ZNF71: variants seen among roughly 807,000 people sequenced by gnomAD.
ZNF71 encodes the protein zinc finger protein 71, also known as endothelial zinc finger protein induced by tumor necrosis factor alpha.
In ZNF71, 3 loss-of-function variants were observed where a neutral mutation model predicts 6.7. The observed-to-expected ratio is 0.45, with a 90% CI of 0.20 to 1.16. ZNF71 has a LOEUF of 1.16. Among genes scored for constraint, ZNF71 ranks in the 50% most tolerant of loss-of-function variants. ZNF71 has a pLI of 0.25. For missense variants in ZNF71, 688 were observed against 728.6 expected (o/e 0.94, Z 0.64); for synonymous variants, 343 against 311.1 (o/e 1.10, Z -1.08).
chr19:56,621,774 T>G lies in ZNF71; in HGVS notation c.667T>G (p.Cys223Gly), dbSNP rs767880766. 1.2e-6 allele frequency: 2 copies of G among 1,614,058 alleles called. No homozygotes were observed. Among genetic ancestry groups the G allele is most frequent in the Non-Finnish European group, 8.5e-7 (1 of 1,180,032 alleles). ...AGAAAAGCCGTTTGAGTGTGACACCTGTGGGAAGCACTTCATCGAGCGCTC... is the reference window on the plus strand; with the variant it reads ...AGAAAAGCCGTTTGAGTGTGACACCGGTGGGAAGCACTTCATCGAGCGCTC... ...TGEKPFECDTCGKHFIERSSL... is the reference protein window; with the variant it reads ...TGEKPFECDTGGKHFIERSSL... The change falls in exon 4 of 4, where the codon TGT becomes GGT. Residue 223 changes from cysteine to glycine, a missense_variant. Coordinates refer to ENST00000599599, the MANE Select transcript of ZNF71 (RefSeq NM_001370215.1).
At position 56,603,726 on chromosome 19, in the gene ZNF71, A is replaced by T. The variant is rs1391907930; in HGVS notation, c.33+2135A>T. On this transcript the variant is annotated intron_variant, in intron 2 of 3. Coordinates refer to ENST00000599599, the MANE Select transcript of ZNF71 (RefSeq NM_001370215.1). The surrounding 1 kb of genome is among the most constrained non-coding windows in gnomAD (Gnocchi z 4.6). ...CTTGAATTCTTCTTTTACCTACATT[A>T]CTTAGAAAGATTTGTTGATTGTTTT... 6.7e-6 allele frequency among the ~76,000 whole-genome samples: 1 copy of T among 149,180 alleles called. No individual in the cohort carries two copies. The highest frequency in any genetic ancestry group is 1.5e-5 in the Non-Finnish European group (1 of 67,452).
In ZNF71 at chr19:56,618,507, C is replaced by T. The variant is rs568228946; in HGVS notation, c.161-2761C>T. On this transcript the variant is annotated intron_variant, in intron 3 of 3. Coordinates refer to ENST00000599599, the MANE Select transcript of ZNF71 (RefSeq NM_001370215.1). This position sits in a 1 kb window ranked among gnomAD's most constrained non-coding sequence, Gnocchi z 4.6. ...AGTGGAGCTGACTCCTGCTGGGGGCCGATAATAATCAGATCAAGGGACAGG... is the reference window on the plus strand; with the variant it reads ...AGTGGAGCTGACTCCTGCTGGGGGCTGATAATAATCAGATCAAGGGACAGG... Among the ~76,000 whole-genome samples, 1 of 152,004 alleles carries T rather than the reference C, an allele frequency of 6.6e-6. No homozygotes were observed. Among genetic ancestry groups the T allele is most frequent in the African/African-American group, 2.4e-5 (1 of 41,428 alleles).
rs2044888007 is a variant in ZNF71, at chr19:56,623,968, C to T, written c.*1211C>T. The T allele has an allele frequency of 6.0e-6, 1 of 167,132 alleles. No individual in the cohort carries two copies. Among genetic ancestry groups the T allele is most frequent in the African/African-American group, 2.4e-5 (1 of 41,476 alleles). The allele number at this position is 167,132 out of a possible 1,614,324, so 10.4% of individuals were successfully genotyped here. On this transcript the variant is annotated 3_prime_UTR_variant, in exon 4 of 4. Transcript: ENST00000599599. ...ATATGTGAATACAGGGAAGCACCAA[C>T]AGACCATATCAGTAACTTCGAGTGA...
In ZNF71 at chr19:56,598,748, G is replaced by A. The variant is rs770872356; in HGVS notation, c.-52-2759G>A. On this transcript the variant is annotated intron_variant, in intron 1 of 3. Transcript: ENST00000599599. This position sits in a 1 kb window ranked among gnomAD's most constrained non-coding sequence, Gnocchi z 4.2. ...TCTCTAGACGTTGACAAATGTCTCC[G>A]GGGGCAGAATTGTTCCCGATTGAGT... 1.3e-5 allele frequency among the ~76,000 whole-genome samples: 2 copies of A among 152,132 alleles called. No homozygotes were observed. The highest frequency in any genetic ancestry group is 2.4e-5 in the African/African-American group (1 of 41,422).
chr19:56,607,472 G>T (rs555093771), intron 2 of ZNF71, among the ~76,000 whole-genome samples: 6 of 152,178 alleles, frequency 3.9e-5, no homozygotes, highest in Non-Finnish European at 8.8e-5. Context: ...AGGGTCTGAG[G>T]ATTCTGTGGT....
At chr19:56,607,151 T>G (rs2044716181) in intron 2 of ZNF71, among the ~76,000 whole-genome samples, 1 of 152,220 alleles carries the variant, frequency 6.6e-6, no homozygotes, top group Non-Finnish European at 1.5e-5. Flanking sequence ...AGATCAATGG[T>G]ATCTAATACG....
intron 3 of ZNF71, among the ~76,000 whole-genome samples, chr19:56,616,090 G>T (rs1274427324): frequency 2.6e-5 from 4 of 151,996 alleles, no homozygotes; most frequent in Non-Finnish European, 5.9e-5. Context: ...TTTGGTTTTG[G>T]TGTCATTTGT....
At chr19:56,619,747 G>A (rs2044828317) in intron 3 of ZNF71, among the ~76,000 whole-genome samples, 1 of 152,180 alleles carries the variant, frequency 6.6e-6, no homozygotes, top group Non-Finnish European at 1.5e-5. Context: ...TTTATGTGGA[G>A]GAGGGGGACA....
chr19:56,605,279 A>C (rs2044701436), intron 2 of ZNF71, among the ~76,000 whole-genome samples: 1 of 152,040 alleles, frequency 6.6e-6, no homozygotes, highest in African/African-American at 2.4e-5. Flanking sequence ...GTCCCTCTGT[A>C]GGACACAATA....
chr19:56,612,371 AAT>A (rs886485730), intron 2 of ZNF71, among the ~76,000 whole-genome samples: 3 of 152,216 alleles, frequency 2.0e-5, no homozygotes, highest in African/African-American at 7.2e-5. Context: ...ACACACATAT[AAT>A]ATATATGTAT....
chr19:56,596,653 C>T (rs2044627515), intron 1 of ZNF71, among the ~76,000 whole-genome samples: 1 of 152,144 alleles, frequency 6.6e-6, no homozygotes, highest in Non-Finnish European at 1.5e-5. Flanking sequence ...CCAGTGCTGG[C>T]CATTTATAGA....
In ZNF71 at chr19:56,622,304, C is replaced by G. The variant is rs540543285; in HGVS notation, c.1197C>G (p.Ser399=). 1.2e-6 allele frequency: 2 copies of G among 1,611,166 alleles called. No individual in the cohort carries two copies. Among genetic ancestry groups the G allele is most frequent in the Non-Finnish European group, 8.5e-7 (1 of 1,178,768 alleles). ...GCGGCAAGGCCTTCAGCCAGAGCTC[C>G]TACCTCATCCAGCACCAGCGCTTCC... ...GECGKAFSQS[S]YLIQHQRFHI... is the part of the protein sequence containing the mutation. The change falls in exon 4 of 4, where the codon TCC becomes TCG. Residue 399 remains serine (S), a synonymous_variant. Coordinates refer to ENST00000599599, the MANE Select transcript of ZNF71 (RefSeq NM_001370215.1).
At chr19:56,608,521 G>A (rs145717868) in intron 2 of ZNF71, among the ~76,000 whole-genome samples, 1 of 152,090 alleles carries the variant, frequency 6.6e-6, no homozygotes, top group Non-Finnish European at 1.5e-5. Context: ...TCGTGCTTAC[G>A]TACACTTGGG....
intron 2 of ZNF71, among the ~76,000 whole-genome samples, chr19:56,611,394 G>A (rs2044750841): frequency 1.3e-5 from 2 of 152,172 alleles, no homozygotes; most frequent in Non-Finnish European, 2.9e-5. Flanking sequence ...GCTGTCCCAC[G>A]CAGTAGCTGT....
chr19:56,602,929 A>G (rs1319613218), intron 2 of ZNF71, among the ~76,000 whole-genome samples: 1 of 152,174 alleles, frequency 6.6e-6, no homozygotes, highest in Non-Finnish European at 1.5e-5. Context: ...CATAGCAGCT[A>G]TATTTTCTTC....
chr19:56,601,488 C>T lies in ZNF71; in HGVS notation c.-52-19C>T. 2.1e-6 allele frequency: 2 copies of T among 975,200 alleles called. No individual in the cohort carries two copies. The highest frequency in any genetic ancestry group is 2.4e-6 in the Non-Finnish European group (2 of 820,432). 60.4% of individuals were successfully genotyped at this position (975,200 alleles called of 1,614,324 possible). A position where few individuals can be genotyped will look rare whatever the true frequency, so the allele number is the denominator to read the frequency against. ...AGGCCTGGTCTCTCAGCATGCCTCCCTCTTTCTTCTCCCTACAGCACTGTT... is the reference window on the plus strand; with the variant it reads ...AGGCCTGGTCTCTCAGCATGCCTCCTTCTTTCTTCTCCCTACAGCACTGTT... On this transcript the variant is annotated intron_variant, in intron 1 of 3. Coordinates refer to ENST00000599599, the MANE Select transcript of ZNF71 (RefSeq NM_001370215.1).
intron 1 of ZNF71, among the ~76,000 whole-genome samples, chr19:56,596,231 C>T (rs1215880510): frequency 6.6e-6 from 1 of 152,038 alleles, no homozygotes; most frequent in Non-Finnish European, 1.5e-5. Flanking sequence ...AGGGCTGTGT[C>T]TTTCCAGGGG....
At chr19:56,609,153 A>G (rs1269869809) in intron 2 of ZNF71, among the ~76,000 whole-genome samples, 2 of 152,190 alleles carry the variant, frequency 1.3e-5, no homozygotes, top group Non-Finnish European at 2.9e-5. Flanking sequence ...AATTGAAGAA[A>G]CAATAGGTAA....
At chr19:56,620,672 T>G (rs1288346322) in intron 3 of ZNF71, among the ~76,000 whole-genome samples, 1 of 151,772 alleles carries the variant, frequency 6.6e-6, no homozygotes, top group Non-Finnish European at 1.5e-5. Flanking sequence ...GCTGGGACAA[T>G]AGGCATGTGC....
Sources: allele counts gnomAD v4.1 joint callset (sites outside exome capture counted in the v4.1 genomes callset), GRCh38; gene constraint gnomAD v4.1.1; non-coding constraint Gnocchi (gnomAD v3.1); transcripts MANE v1.5; gene names NCBI Gene and HGNC (gene_info 2026-07-23, HGNC 2026-07-21).